Variants in STOX1 observed in about 807,000 individuals in gnomAD.
STOX1 encodes storkhead box 1, also known as storkhead-box protein 1.
In STOX1, 57 loss-of-function variants were observed where a neutral mutation model predicts 74.8. The ratio of observed to expected loss-of-function variants is 0.76; its 90% confidence interval spans 0.62 to 0.95. The LOEUF (loss-of-function observed/expected upper bound fraction) is 0.95. Among genes scored for constraint, STOX1 ranks in the 40% least tolerant of loss-of-function variants. STOX1 has a pLI of 0.00. For missense variants in STOX1, 1,010 were observed against 1,117.0 expected (o/e 0.90, Z 1.37); for synonymous variants, 375 against 401.3 (o/e 0.93, Z 0.78).
rs1554826590 is a variant in STOX1, at chr10:68,832,674, A to AAAAG, written c.310+4746_310+4749dup. 1.8e-3 allele frequency among the ~76,000 whole-genome samples: 273 copies of AAAAG among 149,184 alleles called. 2 individuals are homozygous for AAAAG. In the South Asian group the frequency reaches 0.02, roughly 11 times the overall value. On this transcript the variant is annotated intron_variant, in intron 1 of 3. Transcript: ENST00000298596. Reference sequence around the variant, plus strand: ...GGGAAAATGTCTTAAAAAAAAAAAAAAAAGAAAGCACCAAGTGCTGGTGGC... The same window carrying AAAAG: ...GGGAAAATGTCTTAAAAAAAAAAAAAAAAGAAAGAAAGCACCAAGTGCTGGTGGC...
At chr10:68,854,152 C>T (rs942051503) in intron 1 of STOX1, among the ~76,000 whole-genome samples, 4 of 151,962 alleles carry the variant, frequency 2.6e-5, no homozygotes, top group Admixed American at 1.3e-4. Context: ...TGCGCCACCA[C>T]GCTGGGCTAA....
chr10:68,879,226 C>T (rs1035242991), intron 1 of STOX1, among the ~76,000 whole-genome samples: 3 of 152,134 alleles, frequency 2.0e-5, no homozygotes, highest in African/African-American at 7.2e-5. Context: ...TTTTTTATTT[C>T]CTAGTACTTT....
intron 1 of STOX1, among the ~76,000 whole-genome samples, chr10:68,841,215 G>A (rs986203952): frequency 5.3e-5 from 8 of 152,112 alleles, no homozygotes; most frequent in Non-Finnish European, 1.0e-4. Flanking sequence ...AAAGTGCTGG[G>A]CTTACAGGCA....
In STOX1 at chr10:68,835,355, T is replaced by C. The variant is rs1027249182; in HGVS notation, c.310+7422T>C. Among the ~76,000 whole-genome samples the C allele has an allele frequency of 5.3e-5, 8 of 151,006 alleles. No individual in the cohort carries two copies. In the South Asian group the frequency reaches 1.7e-3, roughly 32 times the overall value. ...CCGCACCCGGCTGGCTTTATTATTATTTTTTAGATAGAGGGTTTCACTCTG... is the reference window on the plus strand; with the variant it reads ...CCGCACCCGGCTGGCTTTATTATTACTTTTTAGATAGAGGGTTTCACTCTG... On this transcript the variant is annotated intron_variant, in intron 1 of 3. Transcript: ENST00000298596.
At chr10:68,894,310 C>T (rs545579246), downstream of STOX1, among the ~76,000 whole-genome samples, 4 of 152,180 alleles carry the variant, frequency 2.6e-5, no homozygotes, top group Admixed American at 6.5e-5. Context: ...TCGCCTGCCT[C>T]GGCTTCCAAA....
At chr10:68,830,869 G>A (rs777945834) in intron 1 of STOX1, among the ~76,000 whole-genome samples, 9 of 152,150 alleles carry the variant, frequency 5.9e-5, no homozygotes, top group South Asian at 2.1e-4. Flanking sequence ...TTTGAATAGC[G>A]TTGCTAATTG....
At position 68,871,649 on chromosome 10, in the gene STOX1, CTT is replaced by C. The variant is rs1840538163; in HGVS notation, c.311-10306_311-10305del. Among the ~76,000 whole-genome samples the C allele has an allele frequency of 2.6e-5, 4 of 152,318 alleles. No homozygotes were observed. In the South Asian group the frequency reaches 6.2e-4, roughly 24 times the overall value. On this transcript the variant is annotated intron_variant, in intron 1 of 3. Transcript: ENST00000298596. ...TGCAGCCAGCTTCTGTCTTGGTACT[CTT>C]TTGTTTCTGAATGTGGAGGAAAGTT...
chr10:68,854,948 T>A (rs1369359114), intron 1 of STOX1, among the ~76,000 whole-genome samples: 1 of 151,896 alleles, frequency 6.6e-6, no homozygotes, highest in African/African-American at 2.4e-5. Flanking sequence ...ACAAAAAATT[T>A]TAAAATTAGC....
Position 68,864,424 on chromosome 10 carries a change from A to G in STOX1, c.311-17534A>G, listed in dbSNP as rs143182947. On this transcript the variant is annotated intron_variant, in intron 1 of 3. Coordinates refer to ENST00000298596, the MANE Select transcript of STOX1 (RefSeq NM_152709.5). ...TGTGTTAGGAAAATGGTTATCTAGA[A>G]TACCCACAAAGTCAGATAAATGGGT... is the stretch of plus-strand genomic sequence containing the variant. Among the ~76,000 whole-genome samples, 995 of 152,334 alleles carry G rather than the reference A, an allele frequency of 6.5e-3. 8 individuals are homozygous for G. Among genetic ancestry groups the G allele is most frequent in the African/African-American group, 0.023 (948 of 41,570 alleles).
At chr10:68,884,217 T>C in intron 2 of STOX1, 43 bp from the exon 3 acceptor site, 1 of 1,579,766 alleles carries the variant, frequency 6.3e-7, no homozygotes, top group Non-Finnish European at 8.7e-7. Context: ...CATTAAAATT[T>C]TTCTTATTCA....
At position 68,846,116 on chromosome 10, in the gene STOX1, GTTTTTATTA is replaced by G. The variant is rs1188368627; in HGVS notation, c.310+18186_310+18194del. ...TATGTGGTACAAGTTATGGCTTGAG[GTTTTTATTA>G]TTATTATTATTATTATTATTATTAT... On this transcript the variant is annotated intron_variant, in intron 1 of 3. Transcript: ENST00000298596. Among the ~76,000 whole-genome samples the G allele has an allele frequency of 9.5e-3, 893 of 93,836 alleles. 2 individuals are homozygous for G. Among genetic ancestry groups the G allele is most frequent in the African/African-American group, 0.017 (487 of 28,766 alleles). 61.6% of individuals were successfully genotyped at this position (93,836 alleles called of 152,430 possible). A position where few individuals can be genotyped will look rare whatever the true frequency, so the allele number is the denominator to read the frequency against.
chr10:68,884,161 G>A, intron 2 of STOX1, 99 bp from the exon 3 acceptor site: 4 of 1,101,890 alleles, frequency 3.6e-6, no homozygotes, highest in Admixed American at 1.8e-5. Context: ...TCAGCTCTGG[G>A]TTTATCAAGC....
chr10:68,841,839 G>A (rs922283798), intron 1 of STOX1, among the ~76,000 whole-genome samples: 4 of 152,122 alleles, frequency 2.6e-5, no homozygotes, highest in Non-Finnish European at 5.9e-5. Flanking sequence ...TGTTGGAGGC[G>A]TTCCTGGGAA....
intron 1 of STOX1, among the ~76,000 whole-genome samples, chr10:68,842,123 G>GA (rs151016687): frequency 0.029 from 4,355 of 152,272 alleles, 222 homozygotes; most frequent in African/African-American, 0.099. Flanking sequence ...CAGCCACCAT[G>GA]CTTGCCTTGC....
At chr10:68,864,079 C>T (rs751993437) in intron 1 of STOX1, among the ~76,000 whole-genome samples, 10 of 152,216 alleles carry the variant, frequency 6.6e-5, no homozygotes, top group East Asian at 1.9e-4. Context: ...CACCCGCCAC[C>T]GCACCAGCTA....
Position 68,885,816 on chromosome 10 carries a change from T to C in STOX1, c.2020T>C (p.Tyr674His). Residue 674 changes from tyrosine to histidine, a missense_variant, in exon 3 of 4, where the codon TAC becomes CAC. By Grantham distance (83) the Tyr-to-His change is moderately conservative (BLOSUM62 2). Coordinates refer to ENST00000298596, the MANE Select transcript of STOX1 (RefSeq NM_152709.5). ...GTTTCAAAATCTTGGCCTTTTGGAT[T>C]ACCCAGTTGGCGTGAACCCTTTAAG... is the stretch of plus-strand genomic sequence containing the variant. ...HQFQNLGLLDYPVGVNPLRQA... is the reference protein window; with the variant it reads ...HQFQNLGLLDHPVGVNPLRQA... The C allele has an allele frequency of 1.9e-6, 3 of 1,614,034 alleles. No homozygotes were observed. The highest frequency in any genetic ancestry group is 2.5e-6 in the Non-Finnish European group (3 of 1,180,028).
In STOX1 at chr10:68,892,826, A is replaced by C; in HGVS notation, c.*90A>C. 2 of 1,415,230 alleles carry C rather than the reference A, an allele frequency of 1.4e-6. No homozygotes were observed. The highest frequency in any genetic ancestry group is 2.0e-6 in the Non-Finnish European group (2 of 1,018,888). 87.7% of individuals were successfully genotyped at this position (1,415,230 alleles called of 1,614,324 possible). On this transcript the variant is annotated 3_prime_UTR_variant, in exon 4 of 4. Coordinates refer to ENST00000298596, the MANE Select transcript of STOX1 (RefSeq NM_152709.5). ...TCATGTAAGAATTGAGTATATAAGA[A>C]TTGTCTAAAGGCAAGCATATCTATA... is the stretch of plus-strand genomic sequence containing the variant.
At chr10:68,831,149 AAG>A (rs1484067375) in intron 1 of STOX1, among the ~76,000 whole-genome samples, 1 of 152,154 alleles carries the variant, frequency 6.6e-6, no homozygotes, top group African/African-American at 2.4e-5. Context: ...AAAGGACAAA[AAG>A]AGTCAATCTG....
intron 1 of STOX1, among the ~76,000 whole-genome samples, chr10:68,843,167 T>C (rs1269779971): frequency 2.6e-5 from 4 of 152,194 alleles, no homozygotes; most frequent in Non-Finnish European, 4.4e-5. Context: ...GCCTCCTGAA[T>C]AGCTGGGACT....
Sources: allele counts gnomAD v4.1 joint callset (sites outside exome capture counted in the v4.1 genomes callset), GRCh38; gene constraint gnomAD v4.1.1; transcripts MANE v1.5; gene names NCBI Gene and HGNC (gene_info 2026-07-23, HGNC 2026-07-21).